Variants in KCNH5 observed in about 807,000 individuals in gnomAD.
KCNH5 encodes the protein voltage-gated delayed rectifier potassium channel KCNH5.
In KCNH5, 46 loss-of-function variants were observed where a neutral mutation model predicts 96.1. The observed-to-expected ratio is 0.48, with a 90% CI of 0.38 to 0.61. KCNH5 has a LOEUF of 0.61. KCNH5 is among the 20% of genes least tolerant of loss of function. KCNH5 has a pLI of 0.00. For synonymous variants in KCNH5, 439 were observed against 449.8 expected (o/e 0.98, Z 0.30); for missense variants, 907 against 1,225.8 (o/e 0.74, Z 3.88).
chr14:62,707,756 G>A lies in KCNH5; in HGVS notation c.2719C>T (p.Gln907Ter). Residue 907 changes from glutamine (Q) to a stop codon, truncating the protein, a stop_gained, in exon 11 of 11, where the codon CAG (glutamine) becomes TAG (stop). Coordinates refer to ENST00000322893, the MANE Select transcript of KCNH5 (RefSeq NM_139318.5). LOFTEE classifies it high-confidence loss of function. ...PFYPIPEQALQTTLQEVKHEL... is the reference protein window; with the variant it reads ...PFYPIPEQAL Reference sequence around the variant, plus strand: ...TGTTTGACTTCCTGCAGTGTGGTCTGTAAGGCCTGCTCGGGGATGGGATAA... The same window carrying A: ...TGTTTGACTTCCTGCAGTGTGGTCTATAAGGCCTGCTCGGGGATGGGATAA... 1.2e-6 allele frequency: 2 copies of A among 1,614,106 alleles called. No individual in the cohort carries two copies. Among genetic ancestry groups the A allele is most frequent in the Non-Finnish European group, 1.7e-6 (2 of 1,180,000 alleles).
At chr14:62,844,096 C>A (rs1346280928) in intron 8 of KCNH5, among the ~76,000 whole-genome samples, 5 of 152,026 alleles carry the variant, frequency 3.3e-5, no homozygotes, top group Non-Finnish European at 7.4e-5. Context: ...CATACTCCTA[C>A]CTGATTTTTT....
chr14:62,752,001 C>T (rs1379436915), intron 10 of KCNH5, among the ~76,000 whole-genome samples: 1 of 152,142 alleles, frequency 6.6e-6, no homozygotes, highest in Non-Finnish European at 1.5e-5. Context: ...ACATCTTTGC[C>T]CTGAGAAACT....
At chr14:62,807,600 AC>A (rs1416036958) in intron 8 of KCNH5, among the ~76,000 whole-genome samples, 1 of 152,174 alleles carries the variant, frequency 6.6e-6, no homozygotes, top group Non-Finnish European at 1.5e-5. Flanking sequence ...TGTTAAATTT[AC>A]CTACCTTAAA....
Position 62,947,714 on chromosome 14 carries a change from G to GAC in KCNH5, c.1369+2417_1369+2418dup, listed in dbSNP as rs373941818. 7.7e-3 allele frequency among the ~76,000 whole-genome samples: 1,146 copies of GAC among 149,564 alleles called. 8 individuals are homozygous for GAC. Among genetic ancestry groups the GAC allele is most frequent in the African/African-American group, 0.024 (966 of 40,826 alleles). On this transcript the variant is annotated intron_variant, in intron 7 of 10. Transcript: ENST00000322893. ...ATGGAATCTCAGAAAGGACAGCTTA[G>GAC]ACACACACACACACACACACACAAA...
chr14:62,851,559 T>A (rs8021413), intron 7 of KCNH5, among the ~76,000 whole-genome samples: 84,448 of 149,868 alleles, frequency 0.56, 25,473 homozygotes, highest in African/African-American at 0.78. Flanking sequence ...CCACCATTGT[T>A]GCTATTAAGA....
chr14:62,947,323 A>G (rs914363921), intron 7 of KCNH5, among the ~76,000 whole-genome samples: 2 of 152,184 alleles, frequency 1.3e-5, no homozygotes, highest in African/African-American at 4.8e-5. Flanking sequence ...TTGCCCATAC[A>G]TCTTACCACT....
intron 7 of KCNH5, among the ~76,000 whole-genome samples, chr14:62,857,662 CT>C (rs1887955960): frequency 6.6e-6 from 1 of 152,088 alleles, no homozygotes; most frequent in Non-Finnish European, 1.5e-5. Context: ...CCAGTCTAAT[CT>C]TTTTATGTTT....
At chr14:62,778,404 CCA>C (rs150069056) in intron 10 of KCNH5, among the ~76,000 whole-genome samples, 1,856 of 152,264 alleles carry the variant, frequency 0.012, 33 homozygotes, top group African/African-American at 0.042. Flanking sequence ...CAAGGGCCAA[CCA>C]CACTACAAGA....
At chr14:62,905,496 G>A (rs886894734) in intron 7 of KCNH5, among the ~76,000 whole-genome samples, 2 of 151,940 alleles carry the variant, frequency 1.3e-5, no homozygotes, top group African/African-American at 4.8e-5. Context: ...CTCCTTCATT[G>A]AGGGGGGCAG....
intron 7 of KCNH5, among the ~76,000 whole-genome samples, chr14:62,910,014 C>A (rs890368661): frequency 6.6e-6 from 1 of 151,904 alleles, no homozygotes; most frequent in African/African-American, 2.4e-5. Context: ...TGTTCACTAA[C>A]GTAACTCAAG....
rs532410774 is a variant in KCNH5 at position 62,781,445 on chromosome 14, C to T, written c.1823-1521G>A. ...ACCGGTCTGACCAAAATTTACTAGG[C>T]GGGAATTTCCTCTTCCTAATAAGCC... On this transcript the variant is annotated intron_variant, in intron 9 of 10. Coordinates refer to ENST00000322893, the MANE Select transcript of KCNH5 (RefSeq NM_139318.5). 7.9e-5 allele frequency among the ~76,000 whole-genome samples: 12 copies of T among 152,232 alleles called. 1 individual carries two copies. The South Asian group carries it at 1.5e-3, about 18-fold the overall frequency.
At position 62,720,753 on chromosome 14, in the gene KCNH5, A is replaced by G. The variant is rs193205384; in HGVS notation, c.2020-12298T>C. 4.8e-4 allele frequency among the ~76,000 whole-genome samples: 73 copies of G among 152,312 alleles called. 1 individual carries two copies. The highest frequency in any genetic ancestry group is 4.6e-3 in the Admixed American group (71 of 15,304). ...ATAATCCCAGAGGAAAAACAACAACAACAACACTCTTTTTAGTCTAAGCCG... is the reference window on the plus strand; with the variant it reads ...ATAATCCCAGAGGAAAAACAACAACGACAACACTCTTTTTAGTCTAAGCCG... On this transcript the variant is annotated intron_variant, in intron 10 of 10. Coordinates refer to ENST00000322893, the MANE Select transcript of KCNH5 (RefSeq NM_139318.5).
intron 10 of KCNH5, among the ~76,000 whole-genome samples, chr14:62,731,934 G>A (rs1311330594): frequency 6.6e-6 from 1 of 152,168 alleles, no homozygotes; most frequent in Non-Finnish European, 1.5e-5. Flanking sequence ...ACCACTGAAT[G>A]AGAAAATTCC....
intron 7 of KCNH5, among the ~76,000 whole-genome samples, chr14:62,874,448 T>C (rs1301201059): frequency 2.6e-5 from 4 of 152,172 alleles, no homozygotes; most frequent in Non-Finnish European, 5.9e-5. Context: ...ATGGCGATTA[T>C]TAAAAAGTCA....
intron 2 of KCNH5, among the ~76,000 whole-genome samples, chr14:63,007,807 A>G (rs1703003735): frequency 6.6e-6 from 1 of 152,158 alleles, no homozygotes. Flanking sequence ...GGAATCATAC[A>G]TTATTACAGT....
chr14:62,837,861 G>T (rs111358839), intron 8 of KCNH5, among the ~76,000 whole-genome samples: 1 of 152,062 alleles, frequency 6.6e-6, no homozygotes. Context: ...AAGTCTCTAC[G>T]GATGTACTGA....
At chr14:62,801,766 T>G (rs2139999396) in intron 9 of KCNH5, among the ~76,000 whole-genome samples, 1 of 152,280 alleles carries the variant, frequency 6.6e-6, no homozygotes, top group Non-Finnish European at 1.5e-5. Context: ...TATACTGCGA[T>G]CACTCTGCTA....
chr14:62,816,040 C>A (rs868801976), intron 8 of KCNH5, among the ~76,000 whole-genome samples: 1 of 151,750 alleles, frequency 6.6e-6, no homozygotes, highest in Non-Finnish European at 1.5e-5. Flanking sequence ...TATTCAGATA[C>A]ATACATACAT....
rs190390011 is a variant in KCNH5 at position 62,784,441 on chromosome 14, A to G, written c.1823-4517T>C. On this transcript the variant is annotated intron_variant, in intron 9 of 10. Coordinates refer to ENST00000322893, the MANE Select transcript of KCNH5 (RefSeq NM_139318.5). ...TAAAAGTCTAAAGGAATACAAGACT[A>G]AAAGAAAATGCATTTAAATAATAAT... 2.6e-4 allele frequency among the ~76,000 whole-genome samples: 39 copies of G among 152,342 alleles called. No homozygotes were observed. In the East Asian group the frequency reaches 7.3e-3, roughly 29 times the overall value.
Sources: allele counts gnomAD v4.1 joint callset (sites outside exome capture counted in the v4.1 genomes callset), GRCh38; gene constraint gnomAD v4.1.1; transcripts MANE v1.5; gene names NCBI Gene and HGNC (gene_info 2026-07-23, HGNC 2026-07-21).